The following PLGRKT variants were observed in gnomAD, a reference collection of about 807,000 sequenced individuals.
The protein encoded by PLGRKT is plasminogen receptor with a C-terminal lysine, also known as plasminogen receptor (KT).
A neutral mutation model predicts 18.5 loss-of-function variants in PLGRKT; 22 were observed. That is an observed-to-expected ratio of 1.19 (90% CI 0.85 to 1.70). The LOEUF (loss-of-function observed/expected upper bound fraction) is 1.70. PLGRKT is among the 40% of genes most tolerant of loss of function. The pLI is 0.00. For synonymous variants in PLGRKT, 72 were observed against 52.8 expected (o/e 1.36, Z -1.58); for missense variants, 235 against 174.4 (o/e 1.35, Z -1.96).
intron 3 of PLGRKT, among the ~76,000 whole-genome samples, chr9:5,391,473 T>C (rs190881667): frequency 7.2e-5 from 11 of 152,106 alleles, no homozygotes; most frequent in African/African-American, 2.7e-4. Flanking sequence ...TTGTTACATG[T>C]AATGAGCTGT....
chr9:5,428,421 G>C lies in PLGRKT; in HGVS notation c.81+3476C>G, dbSNP rs563454852. ...GTCTACTTGGTCTCAGGGAAGGCAA[G>C]TATGCTAAGCACTGGGGTGGCCCAG... On this transcript the variant is annotated intron_variant, in intron 3 of 5. Transcript: ENST00000223864. 5.3e-5 allele frequency among the ~76,000 whole-genome samples: 8 copies of C among 152,302 alleles called. No individual in the cohort carries two copies. In the South Asian group the frequency reaches 1.7e-3, roughly 32 times the overall value.
intron 3 of PLGRKT, among the ~76,000 whole-genome samples, chr9:5,404,071 T>G (rs1328768084): frequency 2.0e-5 from 3 of 152,200 alleles, no homozygotes; most frequent in Non-Finnish European, 4.4e-5. Context: ...TTCTCAAGAC[T>G]GAACCAGGAA....
At chr9:5,377,673 C>A (rs141438435) in intron 3 of PLGRKT, among the ~76,000 whole-genome samples, 2 of 152,128 alleles carry the variant, frequency 1.3e-5, no homozygotes, top group Admixed American at 1.3e-4. Flanking sequence ...GACTATTCTG[C>A]CTATAAGAAT....
At chr9:5,374,166 T>C (rs573620726) in intron 3 of PLGRKT, among the ~76,000 whole-genome samples, 8 of 152,316 alleles carry the variant, frequency 5.3e-5, no homozygotes, top group African/African-American at 1.9e-4. Flanking sequence ...CACTGGGAAA[T>C]GGAGAGCAAA....
intron 3 of PLGRKT, among the ~76,000 whole-genome samples, chr9:5,404,447 C>A (rs546407792): frequency 6.6e-5 from 10 of 152,290 alleles, no homozygotes; most frequent in African/African-American, 2.2e-4. Flanking sequence ...ATGGCTTTAT[C>A]CCCAGGATGC....
At chr9:5,411,915 GAAAA>G (rs1186243239) in intron 3 of PLGRKT, among the ~76,000 whole-genome samples, 1 of 152,028 alleles carries the variant, frequency 6.6e-6, no homozygotes, top group African/African-American at 2.4e-5. Context: ...CAATCCCAAT[GAAAA>G]ATATCAACAG....
At chr9:5,374,145 T>C (rs1249942067) in intron 3 of PLGRKT, among the ~76,000 whole-genome samples, 1 of 152,204 alleles carries the variant, frequency 6.6e-6, no homozygotes, top group Admixed American at 6.5e-5. Context: ...CTAACTGTCC[T>C]TTGGGATCTC....
intron 3 of PLGRKT, among the ~76,000 whole-genome samples, chr9:5,416,505 T>G (rs966664042): frequency 1.1e-4 from 16 of 152,228 alleles, no homozygotes; most frequent in African/African-American, 3.6e-4. Flanking sequence ...ACCCTACATA[T>G]AGTAGGCATT....
At chr9:5,433,403 G>A (rs79431498) in intron 2 of PLGRKT, among the ~76,000 whole-genome samples, 1 of 150,282 alleles carries the variant, frequency 6.7e-6, no homozygotes. Context: ...GATGTGAGGA[G>A]CGCCTCTGCC....
At chr9:5,362,183 G>A (rs1817282220) in intron 3 of PLGRKT, among the ~76,000 whole-genome samples, 1 of 152,152 alleles carries the variant, frequency 6.6e-6, no homozygotes, top group African/African-American at 2.4e-5. Flanking sequence ...TAAATGTCCA[G>A]CTTTTCCTAT....
At chr9:5,407,928 C>T (rs1277733792) in intron 3 of PLGRKT, among the ~76,000 whole-genome samples, 1 of 152,044 alleles carries the variant, frequency 6.6e-6, no homozygotes, top group Non-Finnish European at 1.5e-5. Context: ...TTTAATGCTG[C>T]CATTTTCAAG....
At chr9:5,367,849 G>A (rs568365495) in intron 3 of PLGRKT, among the ~76,000 whole-genome samples, 2 of 152,202 alleles carry the variant, frequency 1.3e-5, no homozygotes, top group South Asian at 4.2e-4. Context: ...TCTGACAAAG[G>A]TCTAGTATCC....
intron 3 of PLGRKT, among the ~76,000 whole-genome samples, chr9:5,387,915 T>C (rs1251126865): frequency 1.3e-5 from 2 of 151,346 alleles, no homozygotes; most frequent in Non-Finnish European, 1.5e-5. Context: ...CCAGTGAAAA[T>C]GGTGAGAAGT....
chr9:5,363,912 AT>A (rs928549138), intron 3 of PLGRKT, among the ~76,000 whole-genome samples: 1 of 152,266 alleles, frequency 6.6e-6, no homozygotes, highest in African/African-American at 2.4e-5. Flanking sequence ...GAGTTTAAAA[AT>A]AGATGTGTTT....
intron 3 of PLGRKT, among the ~76,000 whole-genome samples, chr9:5,410,009 C>G (rs554306956): frequency 6.6e-6 from 1 of 151,954 alleles, no homozygotes; most frequent in Non-Finnish European, 1.5e-5. Context: ...CCCTAGAAAC[C>G]AAGCATATAA....
intron 3 of PLGRKT, among the ~76,000 whole-genome samples, chr9:5,403,642 A>G (rs1157249920): frequency 6.6e-6 from 1 of 152,282 alleles, no homozygotes; most frequent in African/African-American, 2.4e-5. Context: ...CGTATTAACC[A>G]GAAGTTTAAA....
intron 3 of PLGRKT, among the ~76,000 whole-genome samples, chr9:5,408,976 A>G (rs1001795990): frequency 6.6e-6 from 1 of 152,258 alleles, no homozygotes; most frequent in Non-Finnish European, 1.5e-5. Context: ...GTGAGTATGC[A>G]GCGGATAAGA....
intron 3 of PLGRKT, among the ~76,000 whole-genome samples, chr9:5,419,241 G>A (rs572982311): frequency 6.6e-6 from 1 of 152,366 alleles, no homozygotes; most frequent in South Asian, 2.1e-4. Flanking sequence ...TCTGGAAACA[G>A]TGGTTCCCAA....
At position 5,358,347 on chromosome 9, in the gene PLGRKT, G is replaced by A; in HGVS notation, c.336C>T (p.Asp112=). ...ATTTACTCTTTTCTGTTTCCAGTAT[G>A]TCCTCAGCTTCACCTTAAATAAAGT... ...LLERMKGEAE[D]ILETEKSKLQ... The change falls in exon 6 of 6, where the codon GAC becomes GAT. Residue 112 remains aspartate, a synonymous_variant. Transcript: ENST00000223864. 1.2e-6 allele frequency: 2 copies of A among 1,612,452 alleles called. No individual in the cohort carries two copies. Among genetic ancestry groups the A allele is most frequent in the Non-Finnish European group, 1.7e-6 (2 of 1,178,952 alleles).
Sources: gnomAD v4.1 joint callset for allele counts (sites outside exome capture counted in the v4.1 genomes callset) on GRCh38, gnomAD v4.1.1 for gene constraint, MANE v1.5 for transcripts, NCBI Gene and HGNC (gene_info 2026-07-23, HGNC 2026-07-21) for gene names.